The following TMEM132D variants were observed in gnomAD, a reference collection of about 807,000 sequenced individuals.
TMEM132D encodes transmembrane protein 132D.
TMEM132D carries 21 observed loss-of-function variants against 62.3 expected under a neutral mutation model. The observed-to-expected ratio is 0.34, with a 90% CI of 0.24 to 0.49. TMEM132D has a LOEUF of 0.49. Among genes scored for constraint, TMEM132D ranks in the 20% least tolerant of loss-of-function variants. The probability of loss-of-function intolerance (pLI) is 0.99; values close to 1 mark genes in which losing one functional copy is unlikely to be tolerated. For missense variants in TMEM132D, 1,346 were observed against 1,402.8 expected (o/e 0.96, Z 0.65); for synonymous variants, 621 against 575.6 (o/e 1.08, Z -1.13).
chr12:129,504,879 T>C (rs1875282099), intron 3 of TMEM132D, among the ~76,000 whole-genome samples: 1 of 152,196 alleles, frequency 6.6e-6, no homozygotes, highest in South Asian at 2.1e-4. Context: ...AGCACTGCCT[T>C]TGCTGTATCC....
In TMEM132D at chr12:129,087,855, G is replaced by GGGGTGTCCTCCATGACC. The variant is rs1565959346; in HGVS notation, c.1444-3170_1444-3154dup. 2.1e-3 allele frequency among the ~76,000 whole-genome samples: 255 copies of GGGGTGTCCTCCATGACC among 119,868 alleles called. 39 individuals carry two copies. The highest frequency in any genetic ancestry group is 4.0e-3 in the Middle Eastern group (1 of 252). The allele number at this position is 119,868 out of a possible 152,430, so 78.6% of individuals were successfully genotyped here. A position where few individuals can be genotyped will look rare whatever the true frequency, so the allele number is the denominator to read the frequency against. On this transcript the variant is annotated intron_variant, in intron 5 of 8. Coordinates refer to ENST00000422113, the MANE Select transcript of TMEM132D (RefSeq NM_133448.3). ...GGAGAATGACACACCGCAGAGCCCC[G>GGGGTGTCCTCCATGACC]GGGTGTCCTCCATGACCGGGTGTCC...
intron 2 of TMEM132D, among the ~76,000 whole-genome samples, chr12:129,556,465 G>C (rs1414178941): frequency 6.6e-6 from 1 of 150,910 alleles, no homozygotes; most frequent in Admixed American, 6.6e-5. Flanking sequence ...ATGGGGTGGA[G>C]CTTTTTTTTT....
chr12:129,207,016 G>T (rs369600421), intron 5 of TMEM132D, among the ~76,000 whole-genome samples: 1 of 152,092 alleles, frequency 6.6e-6, no homozygotes, highest in African/African-American at 2.4e-5. Context: ...TATTACCTGG[G>T]TGATGAAACT....
intron 1 of TMEM132D, among the ~76,000 whole-genome samples, chr12:129,794,184 G>C (rs1379806687): frequency 6.7e-6 from 1 of 149,826 alleles, no homozygotes; most frequent in Admixed American, 6.7e-5. Context: ...CACCTCCCAG[G>C]TTAAAGCAAT....
chr12:129,784,546 G>A (rs899554960), intron 1 of TMEM132D, among the ~76,000 whole-genome samples: 4 of 152,042 alleles, frequency 2.6e-5, no homozygotes, highest in Non-Finnish European at 5.9e-5. Context: ...GCCCATTTTC[G>A]GCATCTGTGC....
chr12:129,643,847 A>T (rs1437178140), intron 2 of TMEM132D, among the ~76,000 whole-genome samples: 5 of 142,206 alleles, frequency 3.5e-5, no homozygotes, highest in Non-Finnish European at 6.1e-5. Flanking sequence ...CCAATGTACC[A>T]TTTTTTTTTT....
intron 2 of TMEM132D, among the ~76,000 whole-genome samples, chr12:129,636,731 T>A (rs867748574): frequency 2.4e-5 from 3 of 125,620 alleles, no homozygotes; most frequent in Admixed American, 8.7e-5. Flanking sequence ...TGTGTGTGTG[T>A]GTGTGTGAGA....
At chr12:129,223,420 A>G (rs938602506) in intron 4 of TMEM132D, among the ~76,000 whole-genome samples, 7 of 152,170 alleles carry the variant, frequency 4.6e-5, no homozygotes, top group Admixed American at 2.0e-4. Context: ...TCAATAGCCC[A>G]GACTGTAATC....
chr12:129,535,770 TTGTGTGCGTGTGTG>T (rs796254728), intron 2 of TMEM132D, among the ~76,000 whole-genome samples: 5,120 of 122,964 alleles, frequency 0.042, 298 homozygotes, highest in African/African-American at 0.14. Flanking sequence ...CATTTAAGAT[TTGTGTGCGTGTGTG>T]TGTGTGTGTG....
chr12:129,382,360 C>T (rs758139419), intron 3 of TMEM132D, among the ~76,000 whole-genome samples: 1 of 152,162 alleles, frequency 6.6e-6, no homozygotes, highest in Non-Finnish European at 1.5e-5. Flanking sequence ...CTATAATCGT[C>T]ACTGGAAAAG....
chr12:129,679,623 A>G lies in TMEM132D; in HGVS notation c.968+20187T>C, dbSNP rs146204355. On this transcript the variant is annotated intron_variant, in intron 2 of 8. Transcript: ENST00000422113. ...ATTATCTCAAATTTTCTTTATGTCA[A>G]TAATTCTATTTTTCACCAATGGCTA... 6.7e-3 allele frequency among the ~76,000 whole-genome samples: 1,024 copies of G among 151,998 alleles called. 16 individuals are homozygous for G. The highest frequency in any genetic ancestry group is 0.023 in the African/African-American group (969 of 41,482).
At chr12:129,476,490 G>C (rs954468454) in intron 3 of TMEM132D, among the ~76,000 whole-genome samples, 1 of 152,194 alleles carries the variant, frequency 6.6e-6, no homozygotes, top group African/African-American at 2.4e-5. Flanking sequence ...TGAGGTCACA[G>C]AATTGCTTGC....
At chr12:129,275,186 A>G (rs952900025) in intron 4 of TMEM132D, among the ~76,000 whole-genome samples, 3 of 152,128 alleles carry the variant, frequency 2.0e-5, no homozygotes, top group African/African-American at 7.2e-5. Flanking sequence ...AGACTGAGGC[A>G]GGAGGATCAC....
intron 2 of TMEM132D, among the ~76,000 whole-genome samples, chr12:129,605,122 T>C (rs1199162796): frequency 2.0e-5 from 3 of 152,166 alleles, no homozygotes; most frequent in Non-Finnish European, 4.4e-5. Context: ...CATTTTTAAA[T>C]GTTCTCATCA....
intron 2 of TMEM132D, among the ~76,000 whole-genome samples, chr12:129,598,996 CT>C (rs1322446181): frequency 1.3e-5 from 2 of 152,156 alleles, no homozygotes; most frequent in Admixed American, 6.5e-5. Flanking sequence ...AATGCTTATA[CT>C]TCTGAAGGAG....
chr12:129,816,636 G>A (rs571970033), intron 1 of TMEM132D, among the ~76,000 whole-genome samples: 13 of 152,210 alleles, frequency 8.5e-5, no homozygotes, highest in African/African-American at 2.4e-4. Flanking sequence ...CCATAATTAC[G>A]AGATGAAATG....
At chr12:129,787,330 A>T (rs181236985) in intron 1 of TMEM132D, among the ~76,000 whole-genome samples, 36 of 152,314 alleles carry the variant, frequency 2.4e-4, no homozygotes, top group Non-Finnish European at 4.4e-4. Flanking sequence ...TTTCTTTGAA[A>T]GGAACTTGCC....
At chr12:129,366,624 C>A (rs371589113) in intron 3 of TMEM132D, among the ~76,000 whole-genome samples, 1 of 152,162 alleles carries the variant, frequency 6.6e-6, no homozygotes, top group African/African-American at 2.4e-5. Flanking sequence ...ACTAATACGC[C>A]GTGTGAGCTC....
chr12:129,782,579 A>T (rs1467275861), intron 1 of TMEM132D, among the ~76,000 whole-genome samples: 1 of 152,224 alleles, frequency 6.6e-6, no homozygotes, highest in Non-Finnish European at 1.5e-5. Flanking sequence ...TGCCCCAGCC[A>T]CTGGGAAAAG....
Sources: gnomAD v4.1 joint callset for allele counts (sites outside exome capture counted in the v4.1 genomes callset) on GRCh38, gnomAD v4.1.1 for gene constraint, MANE v1.5 for transcripts, NCBI Gene and HGNC (gene_info 2026-07-23, HGNC 2026-07-21) for gene names.